FABP4: variants seen among roughly 807,000 people sequenced by gnomAD.
FABP4 encodes the protein fatty acid binding protein 4, also known as fatty acid-binding protein, adipocyte.
In FABP4, 17 loss-of-function variants were observed where a neutral mutation model predicts 14.6. The observed-to-expected ratio is 1.16, with a 90% CI of 0.80 to 1.74. The LOEUF is 1.74. Ranked by LOEUF, FABP4 falls within the 40% of genes most tolerant of loss-of-function variation. The pLI is 0.00. For missense variants in FABP4, 149 were observed against 160.3 expected (o/e 0.93, Z 0.38); for synonymous variants, 54 against 54.6 (o/e 0.99, Z 0.05).
chr8:81,480,161 A>C (rs1808051697), intron 2 of FABP4, among the ~76,000 whole-genome samples: 1 of 152,302 alleles, frequency 6.6e-6, no homozygotes, highest in Middle Eastern at 3.4e-3. Flanking sequence ...GTGAGCTATG[A>C]TTGTGCCATG....
rs1554572665 is a variant in FABP4, at chr8:81,480,498, A to G, written c.174T>C (p.Phe58=). 2 of 1,613,900 alleles carry G rather than the reference A, an allele frequency of 1.2e-6. No homozygotes were observed. The highest frequency in any genetic ancestry group is 2.2e-5 in the East Asian group (1 of 44,880). Residue 58 remains phenylalanine (F), a synonymous_variant, in exon 2 of 4, where the codon TTT becomes TTC. Coordinates refer to ENST00000256104, the MANE Select transcript of FABP4 (RefSeq NM_001442.3). ...DVITIKSEST[F]KNTEISFILG... is the part of the protein sequence containing the mutation. Reference sequence around the variant, plus strand: ...GTATGAAGGAAATCTCAGTATTTTTAAAGGTACTTTCAGATTTAATGGTGA... The same window carrying G: ...GTATGAAGGAAATCTCAGTATTTTTGAAGGTACTTTCAGATTTAATGGTGA...
intron 1 of FABP4, among the ~76,000 whole-genome samples, 183 bp from the exon 2 acceptor site, chr8:81,480,781 AAAAGAAAACCCAC>A (rs1281551686): frequency 1.3e-5 from 2 of 151,850 alleles, no homozygotes; most frequent in Non-Finnish European, 2.9e-5. Context: ...AAAAAAAAAA[AAAAGAAAACCCAC>A]AAAGAAAACA....
At chr8:81,483,019 T>A (rs1808104078) in intron 1 of FABP4, 76 bp downstream of exon 1, 1 of 1,217,322 alleles carries the variant, frequency 8.2e-7, no homozygotes, top group Admixed American at 2.2e-5. Flanking sequence ...CAGACATTGC[T>A]ATAAACACAG....
At chr8:81,481,269 A>G (rs1176846420) in intron 1 of FABP4, among the ~76,000 whole-genome samples, 3 of 152,196 alleles carry the variant, frequency 2.0e-5, no homozygotes, top group African/African-American at 7.2e-5. Flanking sequence ...GAATGGTGAT[A>G]TCATTGCTAA....
In FABP4 at chr8:81,478,826, G is replaced by C. The variant is rs748196246; in HGVS notation, c.*39C>G. 6.3e-7 allele frequency: 1 copy of C among 1,578,544 alleles called. No homozygotes were observed. The highest frequency in any genetic ancestry group is 2.2e-5 in the East Asian group (1 of 44,646). ...AATATATCCCACAGAATGTTGTAGA[G>C]TTCAATGCGAACTTCAGTCCAGGTC... On this transcript the variant is annotated 3_prime_UTR_variant, in exon 4 of 4. Coordinates refer to ENST00000256104, the MANE Select transcript of FABP4 (RefSeq NM_001442.3).
Position 81,480,686 on chromosome 8 carries a change from C to T in FABP4, c.74-88G>A, listed in dbSNP as rs987593428. ...GAGAATGTGTGTGTGCACACAGGTG[C>T]ATGTGCAGGAGGAAAAAGGCACAGA... On this transcript the variant is annotated intron_variant, in intron 1 of 3. Transcript: ENST00000256104. 3.3e-6 allele frequency: 4 copies of T among 1,196,014 alleles called. No individual in the cohort carries two copies. In the East Asian group the frequency reaches 8.1e-5, roughly 24 times the overall value. 74.1% of individuals were successfully genotyped at this position (1,196,014 alleles called of 1,614,324 possible).
intron 1 of FABP4, 88 bp from the exon 2 acceptor site, chr8:81,480,686 C>CAGGAGG (rs1808065596): frequency 8.4e-7 from 1 of 1,196,014 alleles, no homozygotes; most frequent in Non-Finnish European, 1.1e-6. Context: ...CACACAGGTG[C>CAGGAGG]ATGTGCAGGA....
At position 81,478,838 on chromosome 8, in the gene FABP4, C is replaced by CTTCA; in HGVS notation, c.*23_*26dup. 1 of 1,606,298 alleles carries CTTCA rather than the reference C, an allele frequency of 6.2e-7. No individual in the cohort carries two copies. The highest frequency in any genetic ancestry group is 8.5e-7 in the Non-Finnish European group (1 of 1,174,558). On this transcript the variant is annotated 3_prime_UTR_variant, in exon 4 of 4. Coordinates refer to ENST00000256104, the MANE Select transcript of FABP4 (RefSeq NM_001442.3). ...AGAATGTTGTAGAGTTCAATGCGAACTTCAGTCCAGGTCAACGTCCCTTGG... is the reference window on the plus strand; with the variant it reads ...AGAATGTTGTAGAGTTCAATGCGAACTTCATTCAGTCCAGGTCAACGTCCCTTGG...
At chr8:81,482,446 C>T (rs1291162594) in intron 1 of FABP4, among the ~76,000 whole-genome samples, 1 of 152,148 alleles carries the variant, frequency 6.6e-6, no homozygotes, top group Non-Finnish European at 1.5e-5. Flanking sequence ...CCTCTACTAT[C>T]AAAGAAGAGG....
intron 1 of FABP4, among the ~76,000 whole-genome samples, 183 bp from the exon 2 acceptor site, chr8:81,480,781 A>AAAAAG (rs1808067903): frequency 6.6e-6 from 1 of 151,850 alleles, no homozygotes; most frequent in African/African-American, 2.4e-5. Flanking sequence ...AAAAAAAAAA[A>AAAAAG]AAAGAAAACC....
intron 1 of FABP4, among the ~76,000 whole-genome samples, chr8:81,480,839 C>G (rs997775942): frequency 4.6e-5 from 7 of 151,802 alleles, no homozygotes; most frequent in African/African-American, 1.7e-4. Context: ...AGGTGTAGGC[C>G]TATTCTTTAA....
At chr8:81,481,664 G>T (rs1035441742) in intron 1 of FABP4, among the ~76,000 whole-genome samples, 1 of 152,174 alleles carries the variant, frequency 6.6e-6, no homozygotes. Context: ...CTGAGGCTCC[G>T]ATTTGGCTGT....
In FABP4 at chr8:81,479,448, A is replaced by G. The variant is rs1355396372; in HGVS notation, c.314T>C (p.Ile105Thr). 1 of 1,613,224 alleles carries G rather than the reference A, an allele frequency of 6.2e-7. No homozygotes were observed. The highest frequency in any genetic ancestry group is 8.5e-7 in the Non-Finnish European group (1 of 1,179,480). Residue 105 changes from isoleucine (I) to threonine (T), a missense_variant, in exon 3 of 4, where the codon ATA (isoleucine) becomes ACA (threonine). Coordinates refer to ENST00000256104, the MANE Select transcript of FABP4 (RefSeq NM_001442.3). Reference protein sequence around the residue: ...VQKWDGKSTTIKRKREDDKLV... With the variant: ...VQKWDGKSTTTKRKREDDKLV... Reference sequence around the variant, plus strand: ...TTTATCATCCTCTCGTTTTCTCTTTATGGTGGTTGATTTTCCATCCCATTT... The same window carrying G: ...TTTATCATCCTCTCGTTTTCTCTTTGTGGTGGTTGATTTTCCATCCCATTT...
chr8:81,478,934 T>A lies in FABP4; in HGVS notation c.349-19A>T. ...CGCATTCCTAGACACAAAAAACAAT[T>A]CTTGGTCAATCACTGGATTAAACCA... is the stretch of plus-strand genomic sequence containing the variant. On this transcript the variant is annotated intron_variant, in intron 3 of 3. Coordinates refer to ENST00000256104, the MANE Select transcript of FABP4 (RefSeq NM_001442.3). 6.2e-7 allele frequency: 1 copy of A among 1,604,236 alleles called. No individual in the cohort carries two copies. The highest frequency in any genetic ancestry group is 8.5e-7 in the Non-Finnish European group (1 of 1,172,716).
chr8:81,482,469 G>A (rs1258889101), intron 1 of FABP4, among the ~76,000 whole-genome samples: 5 of 152,138 alleles, frequency 3.3e-5, no homozygotes, highest in East Asian at 1.9e-4. Context: ...TGTTATATGC[G>A]TAACATTCTC....
chr8:81,479,744 A>G (rs958420515), intron 2 of FABP4: 1 of 347,994 alleles, frequency 2.9e-6, no homozygotes, highest in Non-Finnish European at 5.2e-6. Flanking sequence ...ATTACTGTGA[A>G]GGAATATGAA....
At chr8:81,479,706 G>A (rs970155846) in intron 2 of FABP4, 191 bp from the exon 3 acceptor site, 3 of 402,362 alleles carry the variant, frequency 7.5e-6, no homozygotes, top group Non-Finnish European at 1.3e-5. Flanking sequence ...TATGTCCAGA[G>A]TGTTATACAA....
intron 1 of FABP4, among the ~76,000 whole-genome samples, chr8:81,482,844 A>G (rs1808100563): frequency 6.6e-6 from 1 of 152,158 alleles, no homozygotes; most frequent in African/African-American, 2.4e-5. Flanking sequence ...ATCATTTCTA[A>G]AGACAATAAA....
chr8:81,480,520 G>A lies in FABP4; in HGVS notation c.152C>T (p.Thr51Ile), dbSNP rs2129796465. 7 of 1,613,780 alleles carry A rather than the reference G, an allele frequency of 4.3e-6. No individual in the cohort carries two copies. The highest frequency in any genetic ancestry group is 1.7e-4 in the Middle Eastern group (1 of 6,058). Residue 51 changes from threonine (T) to isoleucine (I), a missense_variant, in exon 2 of 4, where the codon ACC becomes ATC. Thr to Ile is a moderately conservative substitution (Grantham distance 89). Transcript: ENST00000256104. ...TTTAAAGGTACTTTCAGATTTAATG[G>A]TGATCACATCCCCATTCACACTGAT... ...MIISVNGDVI[T>I]IKSESTFKNT...
Sources: allele counts gnomAD v4.1 joint callset (sites outside exome capture counted in the v4.1 genomes callset), GRCh38; gene constraint gnomAD v4.1.1; transcripts MANE v1.5; gene names NCBI Gene and HGNC (gene_info 2026-07-23, HGNC 2026-07-21).